Variants in XRRA1 observed in about 807,000 individuals in gnomAD.
XRRA1 encodes X-ray radiation resistance-associated protein 1.
Under a neutral mutation model 80.2 loss-of-function variants are expected in XRRA1, and 69 were observed. The ratio of observed to expected loss-of-function variants is 0.86; its 90% CI spans 0.71 to 1.05. The LOEUF (loss-of-function observed/expected upper bound fraction) is 1.05. XRRA1 is among the 50% of genes least tolerant of loss of function. The pLI, the probability that XRRA1 is intolerant of heterozygous loss-of-function variation, is 0.00. For synonymous variants in XRRA1, 348 were observed against 389.9 expected (o/e 0.89, Z 1.27); for missense variants, 967 against 976.4 (o/e 0.99, Z 0.13).
intron 1 of XRRA1, among the ~76,000 whole-genome samples, chr11:74,948,562 T>C (rs1948125841): frequency 6.6e-6 from 1 of 152,144 alleles, no homozygotes; most frequent in African/African-American, 2.4e-5. Flanking sequence ...GGGATATATA[T>C]TGGTTTTGAT....
At chr11:74,905,431 A>G (rs187517065) in intron 10 of XRRA1, among the ~76,000 whole-genome samples, 1 of 152,236 alleles carries the variant, frequency 6.6e-6, no homozygotes, top group Admixed American at 6.5e-5. Context: ...GAGGCTCTCA[A>G]AACCGTATTT....
At chr11:74,940,970 C>A (rs1946225048) in intron 2 of XRRA1, 88 bp from the exon 3 acceptor site, 3 of 958,930 alleles carry the variant, frequency 3.1e-6, no homozygotes, top group South Asian at 2.9e-5. Flanking sequence ...ATGAGCCCAC[C>A]AGGACCACCA....
At chr11:74,926,078 T>G (rs1168405989) in intron 7 of XRRA1, among the ~76,000 whole-genome samples, 1 of 152,230 alleles carries the variant, frequency 6.6e-6, no homozygotes, top group African/African-American at 2.4e-5. Context: ...TTTATTCAAC[T>G]TTCAAGAGCT....
chr11:74,932,846 C>G (rs187402711), intron 5 of XRRA1, among the ~76,000 whole-genome samples: 2 of 152,296 alleles, frequency 1.3e-5, no homozygotes, highest in Non-Finnish European at 2.9e-5. Context: ...TGAAGCAGAA[C>G]CCTGTTAAAG....
In XRRA1 at chr11:74,933,796, C is replaced by T; in HGVS notation, c.351+5G>A. On this transcript the variant is annotated splice_donor_5th_base_variant and intron_variant, in intron 5 of 18. Transcript: ENST00000684022. Reference sequence around the variant, plus strand: ...CCCAATCACATCTTTGCTGGCTGACCTCACCTTGGAGAACTTCAGGCCACT... The same window carrying T: ...CCCAATCACATCTTTGCTGGCTGACTTCACCTTGGAGAACTTCAGGCCACT... 6.3e-7 allele frequency: 1 copy of T among 1,585,270 alleles called. No homozygotes were observed. The highest frequency in any genetic ancestry group is 8.6e-7 in the Non-Finnish European group (1 of 1,165,100).
chr11:74,934,069 G>A (rs565297716), intron 4 of XRRA1, among the ~76,000 whole-genome samples, 197 bp from the exon 5 acceptor site: 17 of 152,050 alleles, frequency 1.1e-4, no homozygotes, highest in Admixed American at 4.6e-4. Flanking sequence ...TGGGCCATAC[G>A]CTTTGCTGAA....
At chr11:74,900,152 C>T (rs909999827) in intron 10 of XRRA1, among the ~76,000 whole-genome samples, 11 of 150,526 alleles carry the variant, frequency 7.3e-5, no homozygotes, top group South Asian at 2.1e-4. Flanking sequence ...GCAATAAAAG[C>T]GAAACTCTGT....
At chr11:74,933,016 T>C (rs1944013872) in intron 5 of XRRA1, among the ~76,000 whole-genome samples, 3 of 152,168 alleles carry the variant, frequency 2.0e-5, no homozygotes, top group African/African-American at 4.8e-5. Context: ...GGGTCACAAA[T>C]ATGGCTCCAA....
intron 12 of XRRA1, among the ~76,000 whole-genome samples, chr11:74,852,424 G>A (rs375511270): frequency 8.5e-5 from 13 of 152,236 alleles, no homozygotes; most frequent in South Asian, 2.1e-4. Flanking sequence ...CACATTTTTC[G>A]TACGAACAAA....
chr11:74,933,955 G>A, intron 4 of XRRA1, 83 bp from the exon 5 acceptor site: 2 of 1,197,006 alleles, frequency 1.7e-6, no homozygotes, highest in Non-Finnish European at 2.4e-6. Flanking sequence ...CTCTTGTTGG[G>A]CAATCATATA....
At chr11:74,863,456 G>T in intron 10 of XRRA1, 1 of 161,880 alleles carries the variant, frequency 6.2e-6, no homozygotes. Context: ...GTATATAGAA[G>T]ACATTCTGTC....
At chr11:74,930,540 T>C (rs938434179) in intron 5 of XRRA1, among the ~76,000 whole-genome samples, 168 bp from the exon 6 acceptor site, 5 of 152,140 alleles carry the variant, frequency 3.3e-5, no homozygotes, top group East Asian at 1.9e-4. Context: ...GTTTTCCTGC[T>C]TTTTTTCCAC....
intron 15 of XRRA1, 81 bp from the exon 16 acceptor site, chr11:74,845,352 C>T: frequency 1.4e-6 from 2 of 1,423,918 alleles, no homozygotes; most frequent in Non-Finnish European, 1.9e-6. Flanking sequence ...CATCTCTGTG[C>T]TGGTCTCTGC....
chr11:74,875,276 G>C (rs935303336), intron 10 of XRRA1, among the ~76,000 whole-genome samples: 2 of 152,168 alleles, frequency 1.3e-5, no homozygotes, highest in Non-Finnish European at 2.9e-5. Context: ...GTCAGCCTCA[G>C]GGCCTCAATG....
chr11:74,937,071 GT>G lies in XRRA1; in HGVS notation c.95-4del. On this transcript the variant is annotated splice_region_variant and splice_polypyrimidine_tract_variant and intron_variant, in intron 3 of 18. Transcript: ENST00000684022. The stretch of plus-strand genomic sequence containing the variant: ...AACCACTAACCAGTGTCCTTGGCCT[GT>G]TGAGAAAATTAGAACAGTGAAAAGG... 6.2e-7 allele frequency: 1 copy of G among 1,610,874 alleles called. No individual in the cohort carries two copies.
At chr11:74,896,189 G>C (rs1050407503) in intron 10 of XRRA1, among the ~76,000 whole-genome samples, 2 of 152,230 alleles carry the variant, frequency 1.3e-5, no homozygotes, top group African/African-American at 4.8e-5. Flanking sequence ...GCACTGGCTC[G>C]GCCACAGTAA....
intron 10 of XRRA1, chr11:74,863,865 C>G (rs2042829697): frequency 6.6e-6 from 1 of 151,994 alleles, no homozygotes; most frequent in African/African-American, 2.4e-5. Flanking sequence ...GTAGGAATTC[C>G]CTGGGGGATG....
At chr11:74,924,904 A>G (rs1941860234) in intron 7 of XRRA1, among the ~76,000 whole-genome samples, 2 of 152,234 alleles carry the variant, frequency 1.3e-5, no homozygotes, top group South Asian at 4.1e-4. Context: ...ATTTGTTTAC[A>G]TATTGTCTAT....
chr11:74,921,370 G>A (rs753492955), intron 7 of XRRA1, 23 bp from the exon 8 acceptor site: 38 of 1,613,408 alleles, frequency 2.4e-5, no homozygotes, highest in Non-Finnish European at 2.9e-5. Context: ...GATGAAAGAT[G>A]GGGAAGGTAA....
Sources: gnomAD v4.1 joint callset for allele counts (sites outside exome capture counted in the v4.1 genomes callset) on GRCh38, gnomAD v4.1.1 for gene constraint, MANE v1.5 for transcripts, NCBI Gene and HGNC (gene_info 2026-07-23, HGNC 2026-07-21) for gene names.